The following TBL1X variants were observed in gnomAD, a reference collection of about 807,000 sequenced individuals.
TBL1X encodes F-box-like/WD repeat-containing protein TBL1X.
A neutral mutation model predicts 50.7 loss-of-function variants in TBL1X; 10 were observed. The ratio of observed to expected loss-of-function variants is 0.20; its 90% confidence interval spans 0.12 to 0.33. TBL1X has a LOEUF of 0.33. Among genes scored for constraint, TBL1X ranks in the 10% least tolerant of loss-of-function variants. The pLI is 1.00. For synonymous variants in TBL1X, 190 were observed against 214.7 expected, an observed-to-expected ratio of 0.88 and a Z score of 1.01; for missense variants, 340 against 504.4, an observed-to-expected ratio of 0.67 and a Z score of 3.12.
intron 2 of TBL1X, among the ~76,000 whole-genome samples, chrX:9,523,173 G>A (rs1454568087): frequency 4.5e-5 from 5 of 111,480 alleles, no homozygotes; most frequent in East Asian, 2.8e-4. Flanking sequence ...TTTCTCCCTC[G>A]TTGTCATTCT....
Position 9,625,096 on chromosome X carries a change from C to T in TBL1X, c.-130-15177C>T, listed in dbSNP as rs28461808. 9.9e-3 allele frequency among the ~76,000 whole-genome samples: 1,117 copies of T among 112,332 alleles called. 11 individuals are homozygous for T. Among genetic ancestry groups the T allele is most frequent in the African/African-American group, 0.034 (1,061 of 30,967 alleles). On this transcript the variant is annotated intron_variant, in intron 2 of 17. Transcript: ENST00000645353. ...TTAAGTTCCTTTTAAAAAAATGGCT[C>T]AAATTTATCCTTTTGGGAGGGACTG...
chrX:9,612,864 T>A (rs968465887), intron 2 of TBL1X, among the ~76,000 whole-genome samples: 6 of 111,492 alleles, frequency 5.4e-5, no homozygotes, highest in Admixed American at 9.6e-5. Flanking sequence ...CAAAAAATTT[T>A]AAAAACTGAA....
chrX:9,686,778 G>A (rs1386066231), intron 6 of TBL1X, among the ~76,000 whole-genome samples: 4 of 112,217 alleles, frequency 3.6e-5, no homozygotes, highest in Non-Finnish European at 7.5e-5. Context: ...ACCGCGTTTT[G>A]TCATGGGCTT....
chrX:9,630,607 AT>A (rs1030750312), intron 2 of TBL1X, among the ~76,000 whole-genome samples: 3 of 110,339 alleles, frequency 2.7e-5, no homozygotes, highest in African/African-American at 3.4e-5. Context: ...TTTTAAAAAT[AT>A]TTTTTTTCTT....
intron 1 of TBL1X, among the ~76,000 whole-genome samples, chrX:9,498,577 T>C (rs1010146762): frequency 7.1e-5 from 8 of 112,390 alleles, no homozygotes; most frequent in African/African-American, 2.6e-4. Flanking sequence ...GGGCTCCCAG[T>C]AGTTTGTTCA....
intron 7 of TBL1X, 111 bp downstream of exon 7, chrX:9,688,386 G>C: frequency 2.8e-6 from 2 of 710,594 alleles, no homozygotes; most frequent in Non-Finnish European, 4.0e-6. Flanking sequence ...TGTCTTAGAA[G>C]CTGCTCTCTA....
intron 2 of TBL1X, among the ~76,000 whole-genome samples, chrX:9,509,542 G>C (rs962640232): frequency 2.5e-5 from 2 of 80,635 alleles, no homozygotes; most frequent in Admixed American, 3.6e-4. Flanking sequence ...TGGAGTGTTA[G>C]TTATGTGGTC....
At chrX:9,490,787 T>TA (rs2081937076) in intron 1 of TBL1X, among the ~76,000 whole-genome samples, 1 of 112,008 alleles carries the variant, frequency 8.9e-6, no homozygotes, top group Admixed American at 9.5e-5. Context: ...AATTCTTTGT[T>TA]GTATTAAGTA....
At chrX:9,614,776 A>T (rs937377605) in intron 2 of TBL1X, among the ~76,000 whole-genome samples, 5 of 111,631 alleles carry the variant, frequency 4.5e-5, no homozygotes, top group African/African-American at 1.6e-4. Flanking sequence ...CAGCGCCTGA[A>T]ATTAAGCCCA....
intron 2 of TBL1X, among the ~76,000 whole-genome samples, chrX:9,564,731 C>CAAAAAAA (rs1325314175): frequency 2.9e-4 from 22 of 76,809 alleles, no homozygotes; most frequent in African/African-American, 9.1e-4. Context: ...GACTCTGTCT[C>CAAAAAAA]AAAAAAAAAA....
chrX:9,697,238 C>T, intron 11 of TBL1X, 131 bp from the exon 12 acceptor site: 5 of 820,875 alleles, frequency 6.1e-6, no homozygotes, highest in Non-Finnish European at 1.7e-6. Flanking sequence ...GCCCATAAGG[C>T]TCACTCTCTA....
At chrX:9,691,309 G>T (rs1478794202) in intron 7 of TBL1X, among the ~76,000 whole-genome samples, 1 of 109,573 alleles carries the variant, frequency 9.1e-6, no homozygotes, top group African/African-American at 3.3e-5. Flanking sequence ...GGTGGCACAT[G>T]CCTGTAATCC....
chrX:9,496,673 C>A (rs2081972616), intron 1 of TBL1X, among the ~76,000 whole-genome samples: 1 of 111,931 alleles, frequency 8.9e-6, no homozygotes, highest in African/African-American at 3.3e-5. Flanking sequence ...AATCCACTAT[C>A]TCTCATCCAG....
chrX:9,529,277 A>G (rs2082148121), intron 2 of TBL1X, among the ~76,000 whole-genome samples: 1 of 110,345 alleles, frequency 9.1e-6, no homozygotes, highest in Non-Finnish European at 1.9e-5. Flanking sequence ...TGCAGCAGAG[A>G]TGGCATGGCC....
At chrX:9,565,405 G>A (rs2082346315) in intron 2 of TBL1X, among the ~76,000 whole-genome samples, 2 of 110,983 alleles carry the variant, frequency 1.8e-5, no homozygotes, top group African/African-American at 6.6e-5. Context: ...TCGAAAACGT[G>A]GAAGGGTCAG....
chrX:9,565,876 C>T (rs1473741352), intron 2 of TBL1X, among the ~76,000 whole-genome samples: 1 of 111,495 alleles, frequency 9.0e-6, no homozygotes, highest in African/African-American at 3.3e-5. Flanking sequence ...TTGGAAGTCA[C>T]TATGCAGGGA....
At chrX:9,676,814 G>A (rs900404127) in intron 5 of TBL1X, among the ~76,000 whole-genome samples, 21 of 111,668 alleles carry the variant, frequency 1.9e-4, no homozygotes, top group Non-Finnish European at 3.8e-4. Context: ...AGACTGCAAA[G>A]GCAAAAAGAA....
intron 1 of TBL1X, among the ~76,000 whole-genome samples, chrX:9,483,930 C>CT (rs2081896929): frequency 8.9e-6 from 1 of 112,427 alleles, no homozygotes; most frequent in Admixed American, 9.4e-5. Flanking sequence ...ACACCATCTG[C>CT]TTTCCTTATT....
intron 2 of TBL1X, among the ~76,000 whole-genome samples, chrX:9,589,356 TC>T (rs2082487393): frequency 9.2e-6 from 1 of 108,865 alleles, no homozygotes; most frequent in Non-Finnish European, 1.9e-5. Context: ...GGAGGATCCT[TC>T]CTGCCTCCTC....
Sources: allele counts gnomAD v4.1 joint callset (sites outside exome capture counted in the v4.1 genomes callset), GRCh38; gene constraint gnomAD v4.1.1; transcripts MANE v1.5; gene names NCBI Gene and HGNC (gene_info 2026-07-23, HGNC 2026-07-21).